UNKL: variants seen among roughly 807,000 people sequenced by gnomAD.
UNKL encodes the protein putative E3 ubiquitin-protein ligase UNKL.
Under a neutral mutation model 78.0 loss-of-function variants are expected in UNKL, and 60 were observed. The ratio of observed to expected loss-of-function variants is 0.77; its 90% CI spans 0.63 to 0.95. The LOEUF is 0.95. UNKL is among the 40% of genes least tolerant of loss of function. UNKL has a pLI of 0.00. For synonymous variants in UNKL, 608 were observed against 474.8 expected (o/e 1.28, Z -3.65); for missense variants, 1,159 against 1,045.7 (o/e 1.11, Z -1.49).
At chr16:1,391,243 C>CACACACACACACACAA (rs1333496519) in intron 8 of UNKL, among the ~76,000 whole-genome samples, 8 of 2,700 alleles carry the variant, frequency 3.0e-3, no homozygotes, top group African/African-American at 0.01. Context: ...TAAAGATACA[C>CACACACACACACACAA]ACACACACAC....
Position 1,382,457 on chromosome 16 carries a change from T to TGCCCCC in UNKL, c.1264+2745_1264+2750dup, listed in dbSNP as rs369684370. 3.0e-3 allele frequency among the ~76,000 whole-genome samples: 450 copies of TGCCCCC among 152,222 alleles called. 2 individuals carry two copies. Among genetic ancestry groups the TGCCCCC allele is most frequent in the African/African-American group, 0.01 (425 of 41,522 alleles). ...CAAACACTGCTTGCGCCTGTGCCCCTGCCCCCGCCCCGACCAAGCCCCACC... is the reference window on the plus strand; with the variant it reads ...CAAACACTGCTTGCGCCTGTGCCCCTGCCCCCGCCCCCGCCCCGACCAAGCCCCACC... On this transcript the variant is annotated intron_variant, in intron 10 of 14. Transcript: ENST00000389221.
chr16:1,376,884 GCTGT>G lies in UNKL; in HGVS notation c.1265-5277_1265-5274del, dbSNP rs1567210402. On this transcript the variant is annotated intron_variant, in intron 10 of 14. Transcript: ENST00000389221. ...GTTACCTGCGCAAATGCTGTACACT[GCTGT>G]CCTGAACCCAGACCTCGCACCAGCA... Among the ~76,000 whole-genome samples, 10 of 152,182 alleles carry G rather than the reference GCTGT, an allele frequency of 6.6e-5. No individual in the cohort carries two copies. In the South Asian group the frequency reaches 2.1e-3, roughly 32 times the overall value.
At chr16:1,366,972 C>T in intron 14 of UNKL, 120 bp downstream of exon 14, 8 of 1,428,976 alleles carry the variant, frequency 5.6e-6, no homozygotes, top group Non-Finnish European at 7.3e-6. Context: ...CTCCCTAGGC[C>T]CGGAGCAGAC....
At chr16:1,401,374 C>A (rs118001569) in intron 4 of UNKL, 194 bp downstream of exon 4, 163 of 602,752 alleles carry the variant, frequency 2.7e-4, no homozygotes, top group Non-Finnish European at 3.4e-4. Context: ...CGGGGGAAGG[C>A]GCCTGGGCCC....
chr16:1,366,653 C>A lies in UNKL; in HGVS notation c.2047-258G>T, dbSNP rs373337505. ...CACCACAGACACGGCAGTGGCCAGA[C>A]AGGCCAGGCCCCTGAGGGCAGCTGG... is the stretch of plus-strand genomic sequence containing the variant. On this transcript the variant is annotated intron_variant, in intron 14 of 14. Coordinates refer to ENST00000389221, the MANE Select transcript of UNKL (RefSeq NM_001372107.1). Among the ~76,000 whole-genome samples the A allele has an allele frequency of 7.9e-5, 12 of 152,342 alleles. No homozygotes were observed. The East Asian group carries it at 9.7e-4, about 12-fold the overall frequency.
intron 6 of UNKL, among the ~76,000 whole-genome samples, chr16:1,396,670 T>C (rs2037276372): frequency 1.3e-5 from 2 of 152,180 alleles, no homozygotes; most frequent in South Asian, 4.1e-4. Context: ...CTCAGCTCAC[T>C]GCAAGCTCCG....
In UNKL at chr16:1,364,458, G is replaced by GCGGGCA. The variant is rs931523726; in HGVS notation, c.*1781_*1782insTGCCCG. The GCGGGCA allele has an allele frequency of 6.6e-6, 1 of 152,238 alleles. No homozygotes were observed. The highest frequency in any genetic ancestry group is 1.5e-5 in the Non-Finnish European group (1 of 68,052). 9.4% of individuals were successfully genotyped at this position (152,238 alleles called of 1,614,324 possible). ...CGTCGGTGCCGCTTCCCACTCGTGT[G>GCGGGCA]CCCTCACCACCCACGTGGCCCGCGG... is the stretch of plus-strand genomic sequence containing the variant. On this transcript the variant is annotated 3_prime_UTR_variant, in exon 15 of 15. Coordinates refer to ENST00000389221, the MANE Select transcript of UNKL (RefSeq NM_001372107.1).
At position 1,407,079 on chromosome 16, in the gene UNKL, G is replaced by A. The variant is rs535064825; in HGVS notation, c.288-3735C>T. The stretch of plus-strand genomic sequence containing the variant: ...CAGGAGAATCACTTGAACCCGGGAG[G>A]TGGATGCTGCAGTGAGCCGAGATCG... On this transcript the variant is annotated intron_variant, in intron 2 of 14. Transcript: ENST00000389221. 4.7e-4 allele frequency among the ~76,000 whole-genome samples: 71 copies of A among 151,828 alleles called. 2 individuals are homozygous for A. In the South Asian group the frequency reaches 0.014, roughly 30 times the overall value.
Position 1,367,770 on chromosome 16 carries a change from T to TGGGGGGCCGGCACTCAGGATGGGG in UNKL, c.1650_1673dup (p.Pro551_Pro558dup), listed in dbSNP as rs2035426724. On this transcript the variant is annotated inframe_insertion, in exon 13 of 15. Coordinates refer to ENST00000389221, the MANE Select transcript of UNKL (RefSeq NM_001372107.1). Reference sequence around the variant, plus strand: ...CGTTTGGACTTGCACTCGAAGAGGATGGGGGGCCGGCACTCAGGATGGGGG... The same window carrying TGGGGGGCCGGCACTCAGGATGGGG: ...CGTTTGGACTTGCACTCGAAGAGGATGGGGGGCCGGCACTCAGGATGGGGGGGGGGCCGGCACTCAGGATGGGGG... 1 of 1,572,040 alleles carries TGGGGGGCCGGCACTCAGGATGGGG rather than the reference T, an allele frequency of 6.4e-7. No homozygotes were observed.
chr16:1,414,371 C>T (rs553909075), intron 1 of UNKL, among the ~76,000 whole-genome samples: 3 of 152,250 alleles, frequency 2.0e-5, no homozygotes, highest in East Asian at 1.9e-4. Flanking sequence ...AACCCCCAAC[C>T]CCGGGGCGTT....
chr16:1,400,499 T>A lies in UNKL; in HGVS notation c.599-990A>T, dbSNP rs2037478092. Among the ~76,000 whole-genome samples, 3 of 134,062 alleles carry A rather than the reference T, an allele frequency of 2.2e-5. No individual in the cohort carries two copies. The South Asian group carries it at 7.2e-4, about 32-fold the overall frequency. 87.9% of individuals were successfully genotyped at this position (134,062 alleles called of 152,430 possible). ...TCCAGAATACACAAATTCACAGAGA[T>A]GGGATGCAGGCCAGTGAGTGCAGGG... On this transcript the variant is annotated intron_variant, in intron 4 of 14. Coordinates refer to ENST00000389221, the MANE Select transcript of UNKL (RefSeq NM_001372107.1).
In UNKL at chr16:1,382,422, G is replaced by A. The variant is rs943637757; in HGVS notation, c.1264+2786C>T. Among the ~76,000 whole-genome samples the A allele has an allele frequency of 2.0e-5, 3 of 152,170 alleles. No homozygotes were observed. In the East Asian group the frequency reaches 5.8e-4, roughly 29 times the overall value. The stretch of plus-strand genomic sequence containing the variant: ...CCCCATACTCCCAGCCAGTGAGGAC[G>A]AAACAAACGCAAACACTGCTTGCGC... On this transcript the variant is annotated intron_variant, in intron 10 of 14. Coordinates refer to ENST00000389221, the MANE Select transcript of UNKL (RefSeq NM_001372107.1).
chr16:1,406,180 G>T, intron 2 of UNKL: 1 of 390,630 alleles, frequency 2.6e-6, no homozygotes, highest in Non-Finnish European at 5.2e-6. Flanking sequence ...GGGGTGATGG[G>T]AGGAACAGGC....
rs776243057 is a variant in UNKL, at chr16:1,414,648, G to C, written c.44C>G (p.Ser15Cys). Residue 15 changes from serine to cysteine, a missense_variant, in exon 1 of 15, where the codon TCC (serine) becomes TGC (cysteine). Transcript: ENST00000389221. ...GGTCGGCTTCTCAGTCTGCGGGGGG[G>C]ACCCGCTCAGCGCCGCTGCCGCCGC... Reference protein sequence around the residue: ...SKAAAAALSGSPPQTEKPTHY... With the variant: ...SKAAAAALSGCPPQTEKPTHY... 5 of 1,141,456 alleles carry C rather than the reference G, an allele frequency of 4.4e-6. No homozygotes were observed. Among genetic ancestry groups the C allele is most frequent in the Non-Finnish European group, 4.4e-6 (4 of 919,192 alleles). 70.7% of individuals were successfully genotyped at this position (1,141,456 alleles called of 1,614,324 possible).
rs1337397886 is a variant in UNKL at position 1,365,661 on chromosome 16, A to T, written c.*579T>A. ...AAATCCTAGGTCTTACTACTAGATA[A>T]ACACTCATTTCATAAGTACTAGTTT... On this transcript the variant is annotated 3_prime_UTR_variant, in exon 15 of 15. Coordinates refer to ENST00000389221, the MANE Select transcript of UNKL (RefSeq NM_001372107.1). 1 of 152,646 alleles carries T rather than the reference A, an allele frequency of 6.6e-6. No individual in the cohort carries two copies. The highest frequency in any genetic ancestry group is 1.9e-4 in the East Asian group (1 of 5,206). 9.5% of individuals were successfully genotyped at this position (152,646 alleles called of 1,614,324 possible).
In UNKL at chr16:1,390,703, T is replaced by TA. The variant is rs2037011517; in HGVS notation, c.1024-10dup. 2.6e-6 allele frequency: 4 copies of TA among 1,535,624 alleles called. No individual in the cohort carries two copies. The East Asian group carries it at 9.8e-5, about 38-fold the overall frequency. On this transcript the variant is annotated splice_polypyrimidine_tract_variant and intron_variant, in intron 8 of 14. Coordinates refer to ENST00000389221, the MANE Select transcript of UNKL (RefSeq NM_001372107.1). ...GAGTCTCTCCGCTTGGCCTGCAACA[T>TA]AAAAAACAGTCATATGTGGAAAAAG... is the stretch of plus-strand genomic sequence containing the variant.
intron 4 of UNKL, 125 bp downstream of exon 4, chr16:1,401,443 C>G: frequency 8.0e-7 from 1 of 1,255,702 alleles, no homozygotes; most frequent in Non-Finnish European, 1.0e-6. Flanking sequence ...CTCCACGAGC[C>G]TCGGTTTCCC....
chr16:1,366,642 C>T (rs1210396965), intron 14 of UNKL, among the ~76,000 whole-genome samples: 3 of 152,210 alleles, frequency 2.0e-5, no homozygotes, highest in Non-Finnish European at 4.4e-5. Flanking sequence ...ACAGACACGG[C>T]AGTGGCCAGA....
chr16:1,414,693 T>G lies in UNKL; in HGVS notation c.-2A>C. 1 of 1,139,502 alleles carries G rather than the reference T, an allele frequency of 8.8e-7. No individual in the cohort carries two copies. The allele number at this position is 1,139,502 out of a possible 1,614,324, so 70.6% of individuals were successfully genotyped here. ...CGCCGCTTTCGAAACCGACGGCATTTTCAGTCAAAACAATGCAGCGCGCAT... is the reference window on the plus strand; with the variant it reads ...CGCCGCTTTCGAAACCGACGGCATTGTCAGTCAAAACAATGCAGCGCGCAT... On this transcript the variant is annotated 5_prime_UTR_variant, in exon 1 of 15. Transcript: ENST00000389221.
Sources: gnomAD v4.1 joint callset for allele counts (sites outside exome capture counted in the v4.1 genomes callset) on GRCh38, gnomAD v4.1.1 for gene constraint, MANE v1.5 for transcripts, NCBI Gene and HGNC (gene_info 2026-07-23, HGNC 2026-07-21) for gene names.